RBM20: variants seen among roughly 807,000 people sequenced by gnomAD.
The protein encoded by RBM20 is RNA binding motif protein 20.
Under a neutral mutation model 110.1 loss-of-function variants are expected in RBM20, and 51 were observed. The ratio of observed to expected loss-of-function variants is 0.46; its 90% confidence interval spans 0.37 to 0.59. The LOEUF (loss-of-function observed/expected upper bound fraction) is 0.59, where lower values mean the gene tolerates loss of function less well. RBM20 is among the 20% of genes least tolerant of loss of function. The probability of loss-of-function intolerance (pLI) is 0.00; values close to 1 mark genes in which losing one functional copy is unlikely to be tolerated. For synonymous variants in RBM20, 589 were observed against 618.2 expected, an observed-to-expected ratio of 0.95 and a Z score of 0.70; for missense variants, 1,512 against 1,574.9, an observed-to-expected ratio of 0.96 and a Z score of 0.68.
intron 8 of RBM20, among the ~76,000 whole-genome samples, chr10:110,811,210 C>T (rs569495373): frequency 4.1e-4 from 62 of 152,236 alleles, no homozygotes; most frequent in Non-Finnish European, 7.4e-4. Context: ...CAGGGTGTTT[C>T]CCCCATGATG....
chr10:110,666,096 T>C (rs919259463), intron 1 of RBM20, among the ~76,000 whole-genome samples: 1 of 152,070 alleles, frequency 6.6e-6, no homozygotes, highest in South Asian at 2.1e-4. Context: ...AAATATGATA[T>C]GTCTGGGATT....
intron 12 of RBM20, chr10:110,827,971 G>T (rs1315538540): frequency 6.6e-6 from 1 of 152,240 alleles, no homozygotes; most frequent in Non-Finnish European, 1.5e-5. Context: ...CTCGGGGACT[G>T]GGGGTGGGCA....
In RBM20 at chr10:110,644,452, C is replaced by T; in HGVS notation, c.-3C>T. 1 of 1,485,642 alleles carries T rather than the reference C, an allele frequency of 6.7e-7. No individual in the cohort carries two copies. The highest frequency in any genetic ancestry group is 8.9e-7 in the Non-Finnish European group (1 of 1,122,520). The allele number at this position is 1,485,642 out of a possible 1,614,324, so 92.0% of individuals were successfully genotyped here. ...CCGCGATCCCGGGCGGGTCTCGCCC[C>T]GCATGGTGCTGGCAGCAGCCATGAG... On this transcript the variant is annotated 5_prime_UTR_variant, in exon 1 of 14. Transcript: ENST00000369519. This position sits in a 1 kb window ranked among gnomAD's most constrained non-coding sequence, Gnocchi z 4.3.
At chr10:110,767,008 T>C (rs1844099225) in intron 1 of RBM20, among the ~76,000 whole-genome samples, 1 of 136,660 alleles carries the variant, frequency 7.3e-6, no homozygotes, top group African/African-American at 2.8e-5. Flanking sequence ...GAGGGGCTCC[T>C]CACTTCCCAG....
Position 110,648,587 on chromosome 10 carries a change from G to A in RBM20, c.191+3942G>A, listed in dbSNP as rs145709396. Among the ~76,000 whole-genome samples, 966 of 152,264 alleles carry A rather than the reference G, an allele frequency of 6.3e-3. 12 individuals carry two copies. The highest frequency in any genetic ancestry group is 0.022 in the African/African-American group (896 of 41,548). On this transcript the variant is annotated intron_variant, in intron 1 of 13. Coordinates refer to ENST00000369519, the MANE Select transcript of RBM20 (RefSeq NM_001134363.3). ...CATCAGTTTGAGCCCAATTTTAGGGGAAATAGGAATACACTTGTAGAAGGA... is the reference window on the plus strand; with the variant it reads ...CATCAGTTTGAGCCCAATTTTAGGGAAAATAGGAATACACTTGTAGAAGGA...
chr10:110,708,281 T>A (rs4918571), intron 1 of RBM20, among the ~76,000 whole-genome samples: 25,212 of 152,182 alleles, frequency 0.17, 2,294 homozygotes, highest in East Asian at 0.32. Context: ...GTCCTATATA[T>A]CAGCTACCCA....
At chr10:110,727,803 TC>T (rs1843579644) in intron 1 of RBM20, among the ~76,000 whole-genome samples, 2 of 152,128 alleles carry the variant, frequency 1.3e-5, no homozygotes, top group African/African-American at 4.8e-5. Context: ...CCTCCCCTTG[TC>T]CCCCATCCCT....
upstream of RBM20, chr10:110,644,314 C>T (rs1861832329): frequency 5.2e-6 from 3 of 576,258 alleles, no homozygotes; most frequent in African/African-American, 4.0e-5. This position sits in a 1 kb window ranked among gnomAD's most constrained non-coding sequence, Gnocchi z 4.3. Context: ...TGCCTCCTCC[C>T]CGCCCCTCGC....
At chr10:110,802,701 T>C (rs547974326) in intron 7 of RBM20, among the ~76,000 whole-genome samples, 7 of 152,338 alleles carry the variant, frequency 4.6e-5, no homozygotes, top group Admixed American at 4.6e-4. Flanking sequence ...GAGTTTTGCT[T>C]TCAGCAAATG....
chr10:110,726,971 G>A (rs973995877), intron 1 of RBM20, among the ~76,000 whole-genome samples: 2 of 151,794 alleles, frequency 1.3e-5, no homozygotes, highest in African/African-American at 2.4e-5. Flanking sequence ...CTCAGCCTCC[G>A]GAGTAGCTGG....
intron 5 of RBM20, among the ~76,000 whole-genome samples, chr10:110,787,017 A>G (rs1844427682): frequency 6.6e-6 from 1 of 152,224 alleles, no homozygotes; most frequent in Admixed American, 6.5e-5. Context: ...CCATTGAGCC[A>G]GAGACCCTTT....
At chr10:110,671,757 A>G (rs1862263565) in intron 1 of RBM20, among the ~76,000 whole-genome samples, 1 of 152,180 alleles carries the variant, frequency 6.6e-6, no homozygotes, top group Non-Finnish European at 1.5e-5. Flanking sequence ...ATATGTATAT[A>G]TATCGACATG....
chr10:110,659,624 CAAT>C (rs1247295680), intron 1 of RBM20, among the ~76,000 whole-genome samples: 2 of 152,192 alleles, frequency 1.3e-5, no homozygotes, highest in African/African-American at 4.8e-5. Flanking sequence ...CTGCTTGCAT[CAAT>C]GCTTTCAATG....
At chr10:110,707,761 G>C (rs1862863777) in intron 1 of RBM20, among the ~76,000 whole-genome samples, 1 of 152,242 alleles carries the variant, frequency 6.6e-6, no homozygotes, top group Non-Finnish European at 1.5e-5. Flanking sequence ...GCTGGGAAGA[G>C]AGGGTAGAAA....
intron 1 of RBM20, among the ~76,000 whole-genome samples, chr10:110,694,313 C>CA (rs1227191518): frequency 1.3e-5 from 2 of 152,190 alleles, no homozygotes; most frequent in African/African-American, 4.8e-5. Context: ...TTCTGTAACC[C>CA]AAATTGTAAA....
chr10:110,809,036 G>A (rs553683301), intron 7 of RBM20, among the ~76,000 whole-genome samples: 2 of 151,888 alleles, frequency 1.3e-5, no homozygotes, highest in East Asian at 1.9e-4. Context: ...GCAACATAGC[G>A]AGACCTTGTC....
chr10:110,765,506 C>T (rs566605506), intron 1 of RBM20, among the ~76,000 whole-genome samples: 1 of 152,236 alleles, frequency 6.6e-6, no homozygotes, highest in Admixed American at 6.5e-5. Flanking sequence ...TTAAACAAAA[C>T]TATTTTCATT....
chr10:110,768,802 A>G (rs1179154420), intron 1 of RBM20, among the ~76,000 whole-genome samples: 1 of 152,174 alleles, frequency 6.6e-6, no homozygotes, highest in Non-Finnish European at 1.5e-5. Context: ...TGCAGCAGAA[A>G]CTGTATGTGT....
intron 5 of RBM20, among the ~76,000 whole-genome samples, chr10:110,786,795 G>C (rs1231985189): frequency 2.0e-5 from 3 of 152,242 alleles, no homozygotes; most frequent in Non-Finnish European, 4.4e-5. Context: ...CACTGAAGGG[G>C]AGGAACTGTG....
Sources: allele counts gnomAD v4.1 joint callset (sites outside exome capture counted in the v4.1 genomes callset), GRCh38; gene constraint gnomAD v4.1.1; non-coding constraint Gnocchi (gnomAD v3.1); transcripts MANE v1.5; gene names NCBI Gene and HGNC (gene_info 2026-07-23, HGNC 2026-07-21).